The following PCSK5 variants were observed in gnomAD, a reference collection of about 807,000 sequenced individuals.
The protein encoded by PCSK5 is prohormone convertase 5.
Under a neutral mutation model 233.2 loss-of-function variants are expected in PCSK5, and 129 were observed. The ratio of observed to expected loss-of-function variants is 0.55; its 90% CI spans 0.48 to 0.64. The LOEUF (loss-of-function observed/expected upper bound fraction) is 0.64, where lower values mean the gene tolerates loss of function less well. Among genes scored for constraint, PCSK5 ranks in the 30% least tolerant of loss-of-function variants. The pLI is 0.00. For missense variants in PCSK5, 2,076 were observed against 2,430.1 expected (o/e 0.85, Z 3.06); for synonymous variants, 825 against 879.2 (o/e 0.94, Z 1.09).
chr9:76,259,193 A>T (rs139353205), intron 24 of PCSK5, among the ~76,000 whole-genome samples: 57 of 152,284 alleles, frequency 3.7e-4, no homozygotes, highest in Non-Finnish European at 2.2e-4. Context: ...TATTAACTTT[A>T]GTCTCCTGCA....
At chr9:76,169,271 G>A (rs1018440829) in intron 12 of PCSK5, among the ~76,000 whole-genome samples, 1 of 152,172 alleles carries the variant, frequency 6.6e-6, no homozygotes, top group Non-Finnish European at 1.5e-5. Context: ...ATAGGTAGGA[G>A]GAGGATTGTT....
At chr9:76,028,040 T>A (rs7874700) in intron 5 of PCSK5, among the ~76,000 whole-genome samples, 48,835 of 152,060 alleles carry the variant, frequency 0.32, 8,060 homozygotes, top group African/African-American at 0.39. Flanking sequence ...ACCTATGTGG[T>A]TTTTCTTTAC....
intron 20 of PCSK5, among the ~76,000 whole-genome samples, chr9:76,193,014 A>G (rs1824487322): frequency 6.7e-6 from 1 of 149,110 alleles, no homozygotes. Flanking sequence ...GATACCAATT[A>G]CATTTACCAT....
intron 2 of PCSK5, among the ~76,000 whole-genome samples, chr9:75,961,978 G>GGGAT (rs1825374074): frequency 6.6e-6 from 1 of 152,220 alleles, no homozygotes; most frequent in African/African-American, 2.4e-5. Flanking sequence ...ATGGGCAGTA[G>GGGAT]GGATGGAGGC....
At chr9:76,192,016 T>A (rs1437615849) in intron 20 of PCSK5, among the ~76,000 whole-genome samples, 1 of 138,998 alleles carries the variant, frequency 7.2e-6, no homozygotes, top group Non-Finnish European at 1.5e-5. Flanking sequence ...GAGGTGGAGG[T>A]TGCAGAGAGC....
At chr9:75,969,342 A>C (rs751648627) in intron 2 of PCSK5, among the ~76,000 whole-genome samples, 1 of 152,130 alleles carries the variant, frequency 6.6e-6, no homozygotes, top group Non-Finnish European at 1.5e-5. Flanking sequence ...AGAACATTTC[A>C]TTCAAGAGAT....
chr9:76,278,397 T>C (rs1827755604), intron 24 of PCSK5, among the ~76,000 whole-genome samples: 1 of 151,376 alleles, frequency 6.6e-6, no homozygotes, highest in South Asian at 2.1e-4. Flanking sequence ...AAAATAGGAG[T>C]GGGCAGGAAA....
chr9:75,912,076 G>C (rs1165768186), intron 1 of PCSK5, among the ~76,000 whole-genome samples: 1 of 151,768 alleles, frequency 6.6e-6, no homozygotes, highest in Non-Finnish European at 1.5e-5. Flanking sequence ...TAGAGAACAG[G>C]AAAGGAGAAA....
intron 30 of PCSK5, among the ~76,000 whole-genome samples, chr9:76,318,283 A>T (rs1829088133): frequency 6.6e-6 from 1 of 152,076 alleles, no homozygotes; most frequent in Non-Finnish European, 1.5e-5. Context: ...ACATGGACAC[A>T]GGGAGGGGAA....
At chr9:75,914,185 T>A (rs1050973413) in intron 1 of PCSK5, among the ~76,000 whole-genome samples, 1 of 152,212 alleles carries the variant, frequency 6.6e-6, no homozygotes, top group Non-Finnish European at 1.5e-5. Context: ...AAACCAATTA[T>A]TAACTCAACC....
chr9:75,941,561 C>G lies in PCSK5; in HGVS notation c.297+9078C>G, dbSNP rs552548690. ...TGATCAGGAGGGACTTAGGACAGCT[C>G]TCTCGTTTCTGGCTACCTTTTTTGC... is the stretch of plus-strand genomic sequence containing the variant. On this transcript the variant is annotated intron_variant, in intron 2 of 37. Transcript: ENST00000674117. 5.9e-5 allele frequency among the ~76,000 whole-genome samples: 9 copies of G among 152,244 alleles called. No individual in the cohort carries two copies. In the South Asian group the frequency reaches 1.9e-3, roughly 32 times the overall value.
At chr9:76,307,832 GA>G (rs544292190) in intron 28 of PCSK5, among the ~76,000 whole-genome samples, 5 of 145,968 alleles carry the variant, frequency 3.4e-5, no homozygotes, top group Non-Finnish European at 7.6e-5. Context: ...AACAAAAACA[GA>G]AAAAAAAAAG....
chr9:76,279,531 A>G (rs866011287), intron 24 of PCSK5, among the ~76,000 whole-genome samples: 2,765 of 151,770 alleles, frequency 0.018, 77 homozygotes, highest in African/African-American at 0.062. Context: ...TCCCACCAAC[A>G]GTGTAAAAAT....
chr9:76,283,458 C>A (rs1324843908), intron 24 of PCSK5, among the ~76,000 whole-genome samples: 1 of 152,136 alleles, frequency 6.6e-6, no homozygotes, highest in Non-Finnish European at 1.5e-5. Flanking sequence ...CATTTTTTAG[C>A]AATAAAGTAT....
intron 2 of PCSK5, among the ~76,000 whole-genome samples, chr9:75,940,263 C>A (rs7028899): frequency 6.6e-6 from 1 of 152,078 alleles, no homozygotes; most frequent in Non-Finnish European, 1.5e-5. Context: ...TCTATACACT[C>A]TTAAATCCAT....
At chr9:76,262,942 A>C (rs1028712534) in intron 24 of PCSK5, among the ~76,000 whole-genome samples, 71 of 152,024 alleles carry the variant, frequency 4.7e-4, no homozygotes, top group African/African-American at 1.6e-3. Context: ...AAAAAAAAAA[A>C]CAACCCCATC....
intron 16 of PCSK5, among the ~76,000 whole-genome samples, chr9:76,182,950 C>G (rs894230071): frequency 6.6e-6 from 1 of 152,212 alleles, no homozygotes; most frequent in African/African-American, 2.4e-5. Context: ...AGGAGCATTT[C>G]TCTGTGAGGC....
Position 76,318,929 on chromosome 9 carries a change from G to A in PCSK5, c.3885-2493G>A, listed in dbSNP as rs181210105. Among the ~76,000 whole-genome samples, 51 of 152,284 alleles carry A rather than the reference G, an allele frequency of 3.3e-4. No individual in the cohort carries two copies. In the East Asian group the frequency reaches 9.2e-3, roughly 28 times the overall value. ...CTTGGGTCACATAGGGAAAAGAGAA[G>A]ATGACTAAACTATACACAAATTAAC... On this transcript the variant is annotated intron_variant, in intron 30 of 37. Transcript: ENST00000674117.
At chr9:76,087,283 T>C (rs1456285284) in intron 7 of PCSK5, among the ~76,000 whole-genome samples, 1 of 152,258 alleles carries the variant, frequency 6.6e-6, no homozygotes, top group Non-Finnish European at 1.5e-5. Context: ...ACCAAATTTA[T>C]ATTCTAGCAG....
Sources: allele counts gnomAD v4.1 joint callset (sites outside exome capture counted in the v4.1 genomes callset), GRCh38; gene constraint gnomAD v4.1.1; transcripts MANE v1.5; gene names NCBI Gene and HGNC (gene_info 2026-07-23, HGNC 2026-07-21).